The following COL5A1 variants were observed in gnomAD, a reference collection of about 807,000 sequenced individuals.
COL5A1 encodes the protein collagen alpha-1(V) chain.
A neutral mutation model predicts 263.7 loss-of-function variants in COL5A1; 16 were observed. The ratio of observed to expected loss-of-function variants is 0.06; its 90% confidence interval spans 0.04 to 0.09. The LOEUF (loss-of-function observed/expected upper bound fraction) is 0.09. COL5A1 is among the 10% of genes least tolerant of loss of function. The probability of loss-of-function intolerance (pLI) is 1.00; values close to 1 mark genes in which losing one functional copy is unlikely to be tolerated. For synonymous variants in COL5A1, 1,012 were observed against 1,004.5 expected, an observed-to-expected ratio of 1.01 and a Z score of -0.14; for missense variants, 2,036 against 2,540.5, an observed-to-expected ratio of 0.80 and a Z score of 4.27.
At chr9:134,654,550 T>A (rs1588406452) in intron 1 of COL5A1, among the ~76,000 whole-genome samples, 2 of 85,666 alleles carry the variant, frequency 2.3e-5, no homozygotes, top group African/African-American at 4.8e-5. Flanking sequence ...GGGCTGGGTG[T>A]GTGTAGGGCT....
At position 134,744,475 on chromosome 9, in the gene COL5A1, G is replaced by A. The variant is rs192500081; in HGVS notation, c.1494+5667G>A. ...CGCACACACTCACCTATACATACAC[G>A]TATGCATGCACAGTCACCCACACCT... On this transcript the variant is annotated intron_variant, in intron 11 of 65. Coordinates refer to ENST00000371817, the MANE Select transcript of COL5A1 (RefSeq NM_000093.5). Among the ~76,000 whole-genome samples the A allele has an allele frequency of 1.9e-4, 29 of 149,220 alleles. 1 individual carries two copies. Among genetic ancestry groups the A allele is most frequent in the African/African-American group, 4.5e-4 (18 of 40,290 alleles).
intron 9 of COL5A1, among the ~76,000 whole-genome samples, chr9:134,735,913 C>G (rs1438313222): frequency 6.6e-6 from 1 of 152,250 alleles, no homozygotes; most frequent in Non-Finnish European, 1.5e-5. Context: ...GTGTTCCCCC[C>G]AACCGGGAGT....
rs1014657655 is a variant in COL5A1, at chr9:134,810,297, A to G, written c.3517A>G (p.Lys1173Glu). The change falls in exon 44 of 66, where the codon AAA becomes GAA. Residue 1173 changes from lysine (K) to glutamate (E), a missense_variant. By Grantham distance (56) the Lys-to-Glu change is moderately conservative. This residue lies in a region of COL5A1 where 1,078 missense variants were observed against 1,521.4 expected (regional missense o/e 0.71). Transcript: ENST00000371817. ...GGGGCAGAAAGGAAGCAAGGGGGACAAAGGAGAACAGGTAAGTATTGGCAC... is the reference window on the plus strand; with the variant it reads ...GGGGCAGAAAGGAAGCAAGGGGGACGAAGGAGAACAGGTAAGTATTGGCAC... ...EPGQKGSKGD[K>E]GEQGPPGPTG... The G allele has an allele frequency of 6.2e-7, 1 of 1,614,060 alleles. No homozygotes were observed. Among genetic ancestry groups the G allele is most frequent in the Non-Finnish European group, 8.5e-7 (1 of 1,179,996 alleles).
At chr9:134,692,323 A>G (rs1317874958) in intron 2 of COL5A1, among the ~76,000 whole-genome samples, 1 of 152,172 alleles carries the variant, frequency 6.6e-6, no homozygotes, top group Non-Finnish European at 1.5e-5. Context: ...TCATCGGCTC[A>G]GACAGCCTGT....
At chr9:134,683,670 A>C (rs926973399) in intron 1 of COL5A1, among the ~76,000 whole-genome samples, 4 of 152,134 alleles carry the variant, frequency 2.6e-5, no homozygotes, top group Non-Finnish European at 5.9e-5. Flanking sequence ...GCTCCTGTGC[A>C]GGCCCCGGTC....
At chr9:134,767,116 C>T (rs1588526073) in intron 23 of COL5A1, 63 bp downstream of exon 23, 6 of 1,571,604 alleles carry the variant, frequency 3.8e-6, no homozygotes, top group Non-Finnish European at 4.4e-6. Flanking sequence ...CGTCTCCAGT[C>T]CGGAGCCCTG....
In COL5A1 at chr9:134,644,549, G is replaced by A. The variant is rs1174654344; in HGVS notation, c.109+2253G>A. 2.2e-5 allele frequency among the ~76,000 whole-genome samples: 3 copies of A among 139,382 alleles called. No homozygotes were observed. In the East Asian group the frequency reaches 6.5e-4, roughly 30 times the overall value. 91.4% of individuals were successfully genotyped at this position (139,382 alleles called of 152,430 possible). A position where few individuals can be genotyped will look rare whatever the true frequency, so the allele number is the denominator to read the frequency against. On this transcript the variant is annotated intron_variant, in intron 1 of 65. Coordinates refer to ENST00000371817, the MANE Select transcript of COL5A1 (RefSeq NM_000093.5). The stretch of plus-strand genomic sequence containing the variant: ...GCGGCTGTCCACTGGAAATGCAGGC[G>A]TGGCGGGGAGGGGGCGGCTGTCCAC...
intron 65 of COL5A1, among the ~76,000 whole-genome samples, chr9:134,838,471 A>AC (rs1424889802): frequency 6.6e-6 from 1 of 152,194 alleles, no homozygotes; most frequent in Non-Finnish European, 1.5e-5. Context: ...AAAGCCGAGA[A>AC]CCAAGTGCAG....
In COL5A1 at chr9:134,682,310, C is replaced by T. The variant is rs915982111; in HGVS notation, c.110-8602C>T. Among the ~76,000 whole-genome samples the T allele has an allele frequency of 6.6e-6, 1 of 152,154 alleles. No individual in the cohort carries two copies. The highest frequency in any genetic ancestry group is 1.5e-5 in the Non-Finnish European group (1 of 68,030). ...TGCTGCCTGGAGGCCGGGTCCTGAG[C>T]GGAGCACTCTGTACCTGTGTCACCC... On this transcript the variant is annotated intron_variant, in intron 1 of 65. Transcript: ENST00000371817. The surrounding 1 kb of genome is among the most constrained non-coding windows in gnomAD (Gnocchi z 5.1).
At chr9:134,675,182 T>A (rs929617840) in intron 1 of COL5A1, among the ~76,000 whole-genome samples, 2 of 152,318 alleles carry the variant, frequency 1.3e-5, no homozygotes, top group South Asian at 4.1e-4. Flanking sequence ...GCGTTTTGAT[T>A]AAGCATTTGT....
intron 1 of COL5A1, among the ~76,000 whole-genome samples, chr9:134,662,233 C>T (rs535477095): frequency 4.9e-4 from 74 of 152,174 alleles, no homozygotes; most frequent in African/African-American, 1.7e-3. Context: ...CTGATCTCTG[C>T]AGTCGTGTAC....
chr9:134,722,247 T>C (rs1834490838), intron 4 of COL5A1, among the ~76,000 whole-genome samples: 1 of 152,176 alleles, frequency 6.6e-6, no homozygotes, highest in South Asian at 2.1e-4. Flanking sequence ...GGGGGTGTGG[T>C]GGGCAGGCCA....
At chr9:134,674,364 G>A (rs1003279471) in intron 1 of COL5A1, among the ~76,000 whole-genome samples, 4 of 152,200 alleles carry the variant, frequency 2.6e-5, no homozygotes, top group Non-Finnish European at 2.9e-5. Flanking sequence ...TGTGCTAAGC[G>A]AGAGAAGCAG....
rs1021105400 is a variant in COL5A1, at chr9:134,843,211, T to TTAAGAC, written c.*912_*917dup. 6.6e-6 allele frequency: 1 copy of TTAAGAC among 152,276 alleles called. No homozygotes were observed. 9.4% of individuals were successfully genotyped at this position (152,276 alleles called of 1,614,324 possible). A position where few individuals can be genotyped will look rare whatever the true frequency, so the allele number is the denominator to read the frequency against. The stretch of plus-strand genomic sequence containing the variant: ...ATAATTTTCTTTTTTCTACATGCAC[T>TTAAGAC]TAAGACTAAAACACAGGTTTGGATT... On this transcript the variant is annotated 3_prime_UTR_variant, in exon 66 of 66. Coordinates refer to ENST00000371817, the MANE Select transcript of COL5A1 (RefSeq NM_000093.5).
chr9:134,808,005 TC>T (rs1253301706), intron 42 of COL5A1, among the ~76,000 whole-genome samples: 3 of 152,148 alleles, frequency 2.0e-5, no homozygotes, highest in Non-Finnish European at 2.9e-5. Context: ...CTCTGAGAAC[TC>T]CCGACCTGAC....
Position 134,758,364 on chromosome 9 carries a change from C to A in COL5A1, c.1935+68C>A. 6.6e-7 allele frequency: 1 copy of A among 1,515,852 alleles called. No homozygotes were observed. The allele number at this position is 1,515,852 out of a possible 1,614,324, so 93.9% of individuals were successfully genotyped here. On this transcript the variant is annotated intron_variant, in intron 18 of 65. Transcript: ENST00000371817. This position sits in a 1 kb window ranked among gnomAD's most constrained non-coding sequence, Gnocchi z 4.1. ...CAGAGGTGTCTCTCGGGAGGCCCTT[C>A]TCCTTCCAGGCAGCCTCAGATTTCC...
At position 134,823,209 on chromosome 9, in the gene COL5A1, G is replaced by A. The variant is rs59721025; in HGVS notation, c.4644+176G>A. ...GACTGAGGCAGGTGGGCTGCTCGCC[G>A]CCTGCCCTAGGAAGGGCTCCATCCC... On this transcript the variant is annotated intron_variant, in intron 60 of 65. Coordinates refer to ENST00000371817, the MANE Select transcript of COL5A1 (RefSeq NM_000093.5). 0.05 allele frequency among the ~76,000 whole-genome samples: 7,601 copies of A among 152,252 alleles called. 278 individuals are homozygous for A. Among genetic ancestry groups the A allele is most frequent in the African/African-American group, 0.1 (4,147 of 41,528 alleles).
intron 4 of COL5A1, among the ~76,000 whole-genome samples, chr9:134,703,224 C>T (rs1220072386): frequency 2.0e-5 from 3 of 152,150 alleles, no homozygotes; most frequent in Non-Finnish European, 4.4e-5. Flanking sequence ...CTGGCACAGC[C>T]AGATTTTGCA....
chr9:134,673,646 C>T (rs1832607317), intron 1 of COL5A1, among the ~76,000 whole-genome samples: 1 of 151,732 alleles, frequency 6.6e-6, no homozygotes, highest in Non-Finnish European at 1.5e-5. Flanking sequence ...GTTTTTTTAC[C>T]TTGAGTTAGG....
Sources: allele counts gnomAD v4.1 joint callset (sites outside exome capture counted in the v4.1 genomes callset), GRCh38; gene constraint gnomAD v4.1.1; regional missense constraint gnomAD v4.1.1; non-coding constraint Gnocchi (gnomAD v3.1); transcripts MANE v1.5; gene names NCBI Gene and HGNC (gene_info 2026-07-23, HGNC 2026-07-21).